Variants in BRWD1 observed in about 807,000 individuals in gnomAD.
BRWD1 encodes bromodomain and WD repeat domain containing 1, also known as bromodomain and WD repeat-containing protein 1.
BRWD1 carries 82 observed loss-of-function variants against 251.2 expected under a neutral mutation model. That is an observed-to-expected ratio of 0.33 (90% CI 0.27 to 0.39). The LOEUF is 0.39. Ranked by LOEUF, BRWD1 falls within the 10% of genes least tolerant of loss-of-function variation. BRWD1 has a pLI of 1.00. For missense variants in BRWD1, 2,233 were observed against 2,711.6 expected, an observed-to-expected ratio of 0.82 and a Z score of 3.92; for synonymous variants, 918 against 902.8, an observed-to-expected ratio of 1.02 and a Z score of -0.30.
At chr21:39,308,341 G>A (rs1007467082) in intron 4 of BRWD1, among the ~76,000 whole-genome samples, 6 of 152,058 alleles carry the variant, frequency 3.9e-5, no homozygotes, top group Non-Finnish European at 8.8e-5. Flanking sequence ...AAGTAGCCAG[G>A]CATAGTGGTA....
intron 20 of BRWD1, among the ~76,000 whole-genome samples, chr21:39,248,409 C>T (rs963967417): frequency 6.6e-6 from 1 of 151,654 alleles, no homozygotes; most frequent in Non-Finnish European, 1.5e-5. Context: ...CCCAGGAGTT[C>T]GAGACCAACC....
At chr21:39,207,452 AC>A (rs2032452806) in intron 36 of BRWD1, among the ~76,000 whole-genome samples, 1 of 3,454 alleles carries the variant, frequency 2.9e-4, no homozygotes, top group Non-Finnish European at 8.2e-4. Flanking sequence ...AAAAAAGAAA[AC>A]ACACACACAC....
chr21:39,317,977 G>A (rs886242354), upstream of BRWD1, among the ~76,000 whole-genome samples: 3 of 152,178 alleles, frequency 2.0e-5, no homozygotes, highest in Admixed American at 6.5e-5. Flanking sequence ...TTGAGCCCAG[G>A]AGTTTAAGGC....
chr21:39,275,149 T>C (rs955851410), intron 12 of BRWD1, among the ~76,000 whole-genome samples: 1 of 152,242 alleles, frequency 6.6e-6, no homozygotes, highest in Non-Finnish European at 1.5e-5. Flanking sequence ...ACATCTTACT[T>C]GTTAATTCAA....
rs566011265 is a variant in BRWD1, at chr21:39,247,853, C to T, written c.2350-21G>A. On this transcript the variant is annotated intron_variant, in intron 20 of 40. Transcript: ENST00000342449. ...TCCGACTGAAACACAGAAAAACATG[C>T]GAATGAAAATCAACACCTAAATAAG... The T allele has an allele frequency of 2.8e-5, 44 of 1,570,118 alleles. No homozygotes were observed. In the Admixed American group the frequency reaches 5.8e-4, roughly 21 times the overall value.
intron 23 of BRWD1, chr21:39,235,599 G>A: frequency 4.5e-6 from 1 of 221,082 alleles, no homozygotes; most frequent in Non-Finnish European, 1.0e-5. Context: ...TATGATATCG[G>A]CTCCAAGTAT....
chr21:39,320,033 G>A (rs2036732606), intron 1 of BRWD1, among the ~76,000 whole-genome samples: 1 of 152,144 alleles, frequency 6.6e-6, no homozygotes, highest in South Asian at 2.1e-4. Flanking sequence ...TTAACACTGT[G>A]GAGGACATTC....
At chr21:39,210,650 C>T (rs2032614897) in intron 35 of BRWD1, 136 bp downstream of exon 35, 1 of 942,406 alleles carries the variant, frequency 1.1e-6, no homozygotes, top group Non-Finnish European at 1.5e-6. Context: ...AATACTTCTA[C>T]CACTAACTTA....
chr21:39,287,323 C>T, intron 8 of BRWD1, among the ~76,000 whole-genome samples: 1 of 152,134 alleles, frequency 6.6e-6, no homozygotes, highest in East Asian at 1.9e-4. Context: ...TTCTTGAAAC[C>T]AAACTTTTGA....
intron 25 of BRWD1, among the ~76,000 whole-genome samples, chr21:39,231,374 A>G (rs1235258045): frequency 1.3e-5 from 2 of 152,160 alleles, no homozygotes; most frequent in Non-Finnish European, 2.9e-5. Flanking sequence ...TTCATTCAAC[A>G]AATATTTTTC....
At chr21:39,266,237 T>C (rs965901917) in intron 15 of BRWD1, among the ~76,000 whole-genome samples, 5 of 152,178 alleles carry the variant, frequency 3.3e-5, no homozygotes, top group Non-Finnish European at 1.5e-5. Context: ...ATTCAGAGGA[T>C]TGCTGAATAA....
At chr21:39,266,662 G>C (rs1249283213) in intron 15 of BRWD1, among the ~76,000 whole-genome samples, 1 of 152,224 alleles carries the variant, frequency 6.6e-6, no homozygotes, top group East Asian at 1.9e-4. Context: ...GTAACTGGAA[G>C]CGTCCTATAC....
chr21:39,265,372 C>T (rs1260249971), intron 15 of BRWD1, among the ~76,000 whole-genome samples: 2 of 152,084 alleles, frequency 1.3e-5, no homozygotes, highest in African/African-American at 4.8e-5. Flanking sequence ...TTGCAGTGAG[C>T]CAAGACTGCA....
At chr21:39,290,490 CAAAA>C (rs1002425792) in intron 8 of BRWD1, among the ~76,000 whole-genome samples, 2 of 92,382 alleles carry the variant, frequency 2.2e-5, no homozygotes, top group African/African-American at 3.8e-5. Flanking sequence ...GACTCCGTCT[CAAAA>C]AAAAAAAAAA....
intron 21 of BRWD1, among the ~76,000 whole-genome samples, chr21:39,247,277 C>T (rs904960874): frequency 6.6e-6 from 1 of 152,154 alleles, no homozygotes; most frequent in Non-Finnish European, 1.5e-5. Flanking sequence ...TGTCAATATA[C>T]TACAGGTTAT....
intron 23 of BRWD1, among the ~76,000 whole-genome samples, chr21:39,235,017 G>A (rs1457193249): frequency 6.6e-6 from 1 of 152,180 alleles, no homozygotes; most frequent in Admixed American, 6.5e-5. Flanking sequence ...GGGAGGCTAA[G>A]GTGGGCAGAT....
chr21:39,199,385 A>G lies in BRWD1; in HGVS notation c.5031T>C (p.Asn1677=). The change falls in exon 40 of 41, where the codon AAT becomes AAC. Residue 1677 remains asparagine (N), a synonymous_variant. Coordinates refer to ENST00000342449, the MANE Select transcript of BRWD1 (RefSeq NM_033656.4). ...SAVARKKLLH[N]SEDEQSLKSE... is the part of the protein sequence containing the mutation. Reference sequence around the variant, plus strand: ...ACTTTAAGCTCTGTTCATCTTCAGAATTATGTAATAACTTTTTTCTAGCTA... The same window carrying G: ...ACTTTAAGCTCTGTTCATCTTCAGAGTTATGTAATAACTTTTTTCTAGCTA... 1 of 1,614,238 alleles carries G rather than the reference A, an allele frequency of 6.2e-7. No individual in the cohort carries two copies. The highest frequency in any genetic ancestry group is 8.5e-7 in the Non-Finnish European group (1 of 1,180,036).
In BRWD1 at chr21:39,215,341, C is replaced by G; in HGVS notation, c.3681G>C (p.Trp1227Cys). ...RFYRRLSALV[W>C]EVRYIEHNAR... ...CATTATGTTCTATATATCTGACTTC[C>G]CAAACTAACGCAGACAGCCTCCTTC... Residue 1227 changes from tryptophan (W) to cysteine (C), a missense_variant, in exon 32 of 41, where the codon TGG becomes TGC. Physicochemically the swap from Trp to Cys is radical, Grantham distance 215. Around this residue, in one of 12 missense-constraint regions of BRWD1, gnomAD observed 167 missense variants for 183.2 expected, o/e 0.91. Transcript: ENST00000342449. 6.2e-7 allele frequency: 1 copy of G among 1,613,274 alleles called. No individual in the cohort carries two copies. The highest frequency in any genetic ancestry group is 2.2e-5 in the East Asian group (1 of 44,834).
intron 13 of BRWD1, among the ~76,000 whole-genome samples, chr21:39,272,421 T>G (rs908545533): frequency 6.7e-6 from 1 of 149,106 alleles, no homozygotes; most frequent in African/African-American, 2.5e-5. Context: ...CAGCTACTCG[T>G]GAGGCTGAGG....
Sources: gnomAD v4.1 joint callset for allele counts (sites outside exome capture counted in the v4.1 genomes callset) on GRCh38, gnomAD v4.1.1 for gene constraint, gnomAD v4.1.1 regional missense constraint, MANE v1.5 for transcripts, NCBI Gene and HGNC (gene_info 2026-07-23, HGNC 2026-07-21) for gene names.